The following KCNMA1 variants were observed in gnomAD, a reference collection of about 807,000 sequenced individuals.
KCNMA1 encodes the protein potassium calcium-activated channel subfamily M alpha 1.
Under a neutral mutation model 140.0 loss-of-function variants are expected in KCNMA1, and 29 were observed. The observed-to-expected ratio is 0.21, with a 90% CI of 0.15 to 0.28. The LOEUF is 0.28. Ranked by LOEUF, KCNMA1 falls within the 10% of genes least tolerant of loss-of-function variation. KCNMA1 has a pLI of 1.00. For synonymous variants in KCNMA1, 612 were observed against 611.9 expected (o/e 1.00, Z 0.00); for missense variants, 880 against 1,602.2 (o/e 0.55, Z 7.70).
intron 1 of KCNMA1, among the ~76,000 whole-genome samples, chr10:77,467,173 A>T (rs287178): frequency 1.3e-5 from 2 of 152,100 alleles, no homozygotes; most frequent in African/African-American, 4.8e-5. Flanking sequence ...TAGATTCACC[A>T]GTTTTTAAAA....
chr10:77,173,291 A>T (rs1352231438), intron 5 of KCNMA1, among the ~76,000 whole-genome samples: 1 of 152,212 alleles, frequency 6.6e-6, no homozygotes, highest in Non-Finnish European at 1.5e-5. Context: ...ACAGCATAGT[A>T]TCATATCAAG....
At chr10:77,506,602 T>A (rs1356144711) in intron 1 of KCNMA1, among the ~76,000 whole-genome samples, 297 of 91,320 alleles carry the variant, frequency 3.3e-3, no homozygotes, top group African/African-American at 9.8e-3. Flanking sequence ...AGAGAGTGTG[T>A]GTGTGTGTGT....
intron 3 of KCNMA1, among the ~76,000 whole-genome samples, chr10:77,214,554 A>G (rs561545010): frequency 6.6e-6 from 1 of 152,294 alleles, no homozygotes; most frequent in South Asian, 2.1e-4. Flanking sequence ...AGCTTGCTCA[A>G]CTGTCCTCCA....
intron 2 of KCNMA1, among the ~76,000 whole-genome samples, chr10:77,336,375 T>A (rs2088978237): frequency 6.6e-6 from 1 of 152,022 alleles, no homozygotes; most frequent in Admixed American, 6.6e-5. Context: ...TATGTTCTTT[T>A]TCTGAGGTTT....
chr10:77,059,419 T>C (rs1452822739), intron 14 of KCNMA1, among the ~76,000 whole-genome samples: 2 of 152,110 alleles, frequency 1.3e-5, no homozygotes, highest in South Asian at 2.1e-4. Context: ...CAAACTAATA[T>C]ACACCAAAAA....
intron 1 of KCNMA1, among the ~76,000 whole-genome samples, chr10:77,477,515 T>C (rs566650900): frequency 3.7e-4 from 56 of 152,178 alleles, no homozygotes; most frequent in Non-Finnish European, 6.6e-4. Context: ...CCCATCTGTG[T>C]GGTAGTGGCT....
At chr10:76,887,595 G>T in intron 27 of KCNMA1, 80 bp from the exon 28 acceptor site, 2 of 1,524,172 alleles carry the variant, frequency 1.3e-6, no homozygotes, top group South Asian at 2.3e-5. Flanking sequence ...AAAAGCAATG[G>T]CCTGGTTACT....
intron 1 of KCNMA1, among the ~76,000 whole-genome samples, chr10:77,579,517 T>C (rs1006039019): frequency 1.3e-5 from 2 of 152,222 alleles, no homozygotes; most frequent in African/African-American, 4.8e-5. Context: ...ATCATGTTCA[T>C]ATGTCGAAAA....
At chr10:77,303,306 T>A (rs963028301) in intron 2 of KCNMA1, among the ~76,000 whole-genome samples, 2 of 152,072 alleles carry the variant, frequency 1.3e-5, no homozygotes, top group African/African-American at 4.8e-5. Flanking sequence ...TTCTCTCCTC[T>A]CCTCAGGGTC....
chr10:77,305,709 T>A (rs568568167), intron 2 of KCNMA1, among the ~76,000 whole-genome samples: 1 of 152,256 alleles, frequency 6.6e-6, no homozygotes, highest in South Asian at 2.1e-4. Flanking sequence ...CCCCAGCTGC[T>A]CCATAGGCTA....
At chr10:77,264,401 A>T (rs1360604181) in intron 2 of KCNMA1, among the ~76,000 whole-genome samples, 1 of 152,180 alleles carries the variant, frequency 6.6e-6, no homozygotes, top group African/African-American at 2.4e-5. Context: ...CTTCAGCCTC[A>T]CACTTTTGCA....
At chr10:77,563,817 G>A (rs1181659636) in intron 1 of KCNMA1, among the ~76,000 whole-genome samples, 1 of 152,188 alleles carries the variant, frequency 6.6e-6, no homozygotes, top group Non-Finnish European at 1.5e-5. Flanking sequence ...CTTCTGTGGG[G>A]CCGCGTAGCA....
intron 2 of KCNMA1, among the ~76,000 whole-genome samples, chr10:77,366,784 G>A (rs961406695): frequency 6.6e-6 from 1 of 152,168 alleles, no homozygotes; most frequent in Non-Finnish European, 1.5e-5. Context: ...CACAGATTGT[G>A]GAGGAAGCTG....
chr10:77,518,744 G>A (rs962122302), intron 1 of KCNMA1, among the ~76,000 whole-genome samples: 12 of 152,172 alleles, frequency 7.9e-5, no homozygotes, highest in African/African-American at 2.7e-4. Context: ...GGACTCCAGC[G>A]GGGAGGAAAT....
intron 2 of KCNMA1, among the ~76,000 whole-genome samples, chr10:77,384,509 A>G (rs2095536335): frequency 6.6e-6 from 1 of 152,244 alleles, no homozygotes; most frequent in South Asian, 2.1e-4. Context: ...CACATCAAAG[A>G]GGGAATGATG....
chr10:77,494,340 G>A (rs2041069309), intron 1 of KCNMA1, among the ~76,000 whole-genome samples: 1 of 152,226 alleles, frequency 6.6e-6, no homozygotes, highest in Middle Eastern at 3.2e-3. Flanking sequence ...TCCTAAGAAG[G>A]ACTGTGCAGG....
intron 1 of KCNMA1, among the ~76,000 whole-genome samples, chr10:77,422,429 G>A (rs540966470): frequency 3.3e-5 from 5 of 152,286 alleles, no homozygotes; most frequent in South Asian, 2.1e-4. Flanking sequence ...TCAAGGCTTC[G>A]GTCCTCTAGC....
At chr10:77,151,112 T>C (rs1392952345) in intron 5 of KCNMA1, among the ~76,000 whole-genome samples, 1 of 151,752 alleles carries the variant, frequency 6.6e-6, no homozygotes, top group Admixed American at 6.6e-5. Flanking sequence ...TCTTTTCTTC[T>C]CTCTCTCTTC....
chr10:77,200,445 G>T (rs1341074150), intron 3 of KCNMA1, among the ~76,000 whole-genome samples: 2 of 152,176 alleles, frequency 1.3e-5, no homozygotes, highest in Admixed American at 6.5e-5. Flanking sequence ...TATAATTACA[G>T]TATCTTAATA....
Sources: allele counts gnomAD v4.1 joint callset (sites outside exome capture counted in the v4.1 genomes callset), GRCh38; gene constraint gnomAD v4.1.1; transcripts MANE v1.5; gene names NCBI Gene and HGNC (gene_info 2026-07-23, HGNC 2026-07-21).